SERINC5: variants seen among roughly 807,000 people sequenced by gnomAD.
SERINC5 encodes the protein serine incorporator 5.
SERINC5 carries 41 observed loss-of-function variants against 63.1 expected under a neutral mutation model. The ratio of observed to expected loss-of-function variants is 0.65; its 90% CI spans 0.51 to 0.84. The LOEUF (loss-of-function observed/expected upper bound fraction) is 0.84, where lower values mean the gene tolerates loss of function less well. Ranked by LOEUF, SERINC5 falls within the 40% of genes least tolerant of loss-of-function variation. SERINC5 has a pLI of 0.00. For missense variants in SERINC5, 523 were observed against 573.0 expected (o/e 0.91, Z 0.89); for synonymous variants, 222 against 215.2 (o/e 1.03, Z -0.28).
chr5:80,151,844 C>T (rs951413861), intron 8 of SERINC5, among the ~76,000 whole-genome samples: 13 of 152,058 alleles, frequency 8.5e-5, no homozygotes, highest in African/African-American at 2.9e-4. Flanking sequence ...CATGGGCGGG[C>T]GTGTTGGTGC....
intron 11 of SERINC5, among the ~76,000 whole-genome samples, chr5:80,133,663 G>A (rs150054087): frequency 9.2e-5 from 14 of 152,340 alleles, no homozygotes; most frequent in East Asian, 3.9e-4. Context: ...TGCTGTAACC[G>A]CCCAACGAAT....
intron 2 of SERINC5, among the ~76,000 whole-genome samples, chr5:80,193,842 T>A (rs1026034824): frequency 6.6e-6 from 1 of 152,186 alleles, no homozygotes; most frequent in African/African-American, 2.4e-5. Context: ...TCTCACATGT[T>A]ATCTCCGGAT....
At chr5:80,137,717 T>A (rs1745271973), downstream of SERINC5, among the ~76,000 whole-genome samples, 1 of 148,298 alleles carries the variant, frequency 6.7e-6, no homozygotes. Flanking sequence ...TGAGGCAGGA[T>A]GATTGCTTGA....
chr5:80,175,015 G>A lies in SERINC5; in HGVS notation c.490C>T (p.Leu164Phe). The A allele has an allele frequency of 6.2e-7, 1 of 1,601,434 alleles. No individual in the cohort carries two copies. The highest frequency in any genetic ancestry group is 1.7e-5 in the Admixed American group (1 of 58,322). The change falls in exon 5 of 12, where the codon CTC becomes TTC. Residue 164 changes from leucine to phenylalanine, a missense_variant. Transcript: ENST00000507668. ...AGGAGGAGCTGGATGCCAATGAAGA[G>A]GAAGCCTCCGACGGCTCCCACATAG... ...WRYVGAVGGF[L>F]FIGIQLLLLV...
chr5:80,177,843 T>TCCC (rs1748135958), intron 3 of SERINC5, 43 bp downstream of exon 3: 1 of 1,492,020 alleles, frequency 6.7e-7, no homozygotes. Flanking sequence ...GTCCTGAACA[T>TCCC]AAGAAAGGAG....
chr5:80,198,563 G>A (rs1749642972), intron 2 of SERINC5: 7 of 985,418 alleles, frequency 7.1e-6, no homozygotes, highest in African/African-American at 1.7e-5. Flanking sequence ...CATCCGGGCC[G>A]TTACAAGCAT....
At chr5:80,148,056 T>C (rs1032663804) in intron 9 of SERINC5, among the ~76,000 whole-genome samples, 2 of 151,864 alleles carry the variant, frequency 1.3e-5, no homozygotes. Flanking sequence ...GGATCTGAAA[T>C]AGTAAAGTGA....
intron 1 of SERINC5, among the ~76,000 whole-genome samples, chr5:80,244,960 A>G (rs1259254055): frequency 6.6e-6 from 1 of 152,052 alleles, no homozygotes; most frequent in Non-Finnish European, 1.5e-5. Context: ...ACAAGCCAGC[A>G]CTCTCAAAAA....
chr5:80,244,777 G>A (rs1382992704), intron 1 of SERINC5, among the ~76,000 whole-genome samples: 1 of 152,088 alleles, frequency 6.6e-6, no homozygotes. Flanking sequence ...AGCTGAGATC[G>A]TGCCATTGCA....
intron 8 of SERINC5, 110 bp downstream of exon 8, chr5:80,158,726 T>G: frequency 2.0e-6 from 2 of 1,021,618 alleles, no homozygotes; most frequent in Non-Finnish European, 2.8e-6. Context: ...GTGGTTATTT[T>G]CCCCCCTCCT....
intron 4 of SERINC5, among the ~76,000 whole-genome samples, chr5:80,176,770 A>T (rs1006548794): frequency 2.0e-5 from 3 of 152,130 alleles, no homozygotes; most frequent in African/African-American, 7.2e-5. Context: ...AGGAAAGTGA[A>T]TCCATTTGGG....
intron 11 of SERINC5, chr5:80,144,018 T>G: frequency 1.8e-6 from 1 of 566,770 alleles, no homozygotes; most frequent in Non-Finnish European, 3.0e-6. Context: ...CCCTTCCCCA[T>G]GGCCCCCTCA....
chr5:80,235,801 T>C (rs1333582028), intron 1 of SERINC5, among the ~76,000 whole-genome samples: 3 of 152,220 alleles, frequency 2.0e-5, no homozygotes, highest in African/African-American at 7.2e-5. Context: ...TTGAGCATTT[T>C]CTCACATTTG....
chr5:80,126,737 T>A (rs1248595880), intron 11 of SERINC5, among the ~76,000 whole-genome samples: 1 of 152,102 alleles, frequency 6.6e-6, no homozygotes, highest in East Asian at 1.9e-4. Flanking sequence ...TACAAAAAAA[T>A]TTTTCATCAA....
At chr5:80,242,145 C>G (rs1387132757) in intron 1 of SERINC5, among the ~76,000 whole-genome samples, 2 of 151,516 alleles carry the variant, frequency 1.3e-5, no homozygotes, top group Non-Finnish European at 2.9e-5. Context: ...CACAACAAAA[C>G]AAAAAAAGTG....
rs539447019 is a variant in SERINC5 at position 80,255,980 on chromosome 5, T to A, written c.-58A>T. The A allele has an allele frequency of 6.9e-7, 1 of 1,458,728 alleles. No individual in the cohort carries two copies. The highest frequency in any genetic ancestry group is 2.8e-5 in the East Asian group (1 of 35,230). The allele number at this position is 1,458,728 out of a possible 1,614,324, so 90.4% of individuals were successfully genotyped here. A position where few individuals can be genotyped will look rare whatever the true frequency, so the allele number is the denominator to read the frequency against. Reference sequence around the variant, plus strand: ...GCTCCCCGCGCCGCACGGGCCCTCCTGGCTGCCTCGCGCCTCGAGCGCTGG... The same window carrying A: ...GCTCCCCGCGCCGCACGGGCCCTCCAGGCTGCCTCGCGCCTCGAGCGCTGG... On this transcript the variant is annotated 5_prime_UTR_variant, in exon 1 of 12. Transcript: ENST00000507668.
chr5:80,139,881 T>G lies in SERINC5; in HGVS notation c.*3782A>C. On this transcript the variant is annotated 3_prime_UTR_variant, in exon 12 of 12. Coordinates refer to ENST00000507668, the MANE Select transcript of SERINC5 (RefSeq NM_001174072.3). ...GGCCCTCTTTCGTTTCCAAGAGGTA[T>G]AGGACACTAGAGTACACCAAATGAG... 1 of 985,332 alleles carries G rather than the reference T, an allele frequency of 1.0e-6. No homozygotes were observed. Among genetic ancestry groups the G allele is most frequent in the African/African-American group, 1.7e-5 (1 of 57,300 alleles). 61.0% of individuals were successfully genotyped at this position (985,332 alleles called of 1,614,324 possible).
At chr5:80,181,018 CG>C (rs2112427445) in intron 2 of SERINC5, among the ~76,000 whole-genome samples, 1 of 152,156 alleles carries the variant, frequency 6.6e-6, no homozygotes, top group African/African-American at 2.4e-5. Context: ...GGCAGTCATC[CG>C]GGATGCACGA....
intron 1 of SERINC5, among the ~76,000 whole-genome samples, chr5:80,241,408 G>A (rs902931121): frequency 7.9e-5 from 12 of 152,184 alleles, no homozygotes; most frequent in Admixed American, 7.9e-4. Flanking sequence ...GTCGGAGGTT[G>A]CAGTGAGCCA....
Sources: gnomAD v4.1 joint callset for allele counts (sites outside exome capture counted in the v4.1 genomes callset) on GRCh38, gnomAD v4.1.1 for gene constraint, MANE v1.5 for transcripts, NCBI Gene and HGNC (gene_info 2026-07-23, HGNC 2026-07-21) for gene names.